Variants in ARHGEF38 observed in about 807,000 individuals in gnomAD.
ARHGEF38 encodes the protein Rho guanine nucleotide exchange factor 38, also known as Rho guanine nucleotide exchange factor (GEF) 38.
A neutral mutation model predicts 79.9 loss-of-function variants in ARHGEF38; 79 were observed. That is an observed-to-expected ratio of 0.99 (90% CI 0.82 to 1.19). The LOEUF (loss-of-function observed/expected upper bound fraction) is 1.19, where lower values mean the gene tolerates loss of function less well. Ranked by LOEUF, ARHGEF38 falls within the 50% of genes most tolerant of loss-of-function variation. ARHGEF38 has a pLI of 0.00. For missense variants in ARHGEF38, 962 were observed against 907.2 expected, an observed-to-expected ratio of 1.06 and a Z score of -0.78; for synonymous variants, 366 against 328.3, an observed-to-expected ratio of 1.11 and a Z score of -1.24.
chr4:105,587,014 C>A (rs1356446103), intron 1 of ARHGEF38, among the ~76,000 whole-genome samples: 3 of 152,022 alleles, frequency 2.0e-5, no homozygotes, highest in Non-Finnish European at 4.4e-5. Flanking sequence ...AGCCTCCTCA[C>A]TGCAGCTCCT....
rs924857329 is a variant in ARHGEF38, at chr4:105,648,641, G to A, written c.967G>A (p.Val323Met). The change falls in exon 7 of 14, where the codon GTG becomes ATG. Residue 323 changes from valine to methionine, a missense_variant. Transcript: ENST00000420470. ...TTCAATTAGCAAGAAATCAAAAAGA[G>A]TGACAAATCATCTGAAGATTCTGAC... ...IHSISKKSKR[V>M]TNHLKILTRG... 1.4e-5 allele frequency: 22 copies of A among 1,532,996 alleles called. No homozygotes were observed. The East Asian group carries it at 2.2e-4, about 15-fold the overall frequency. 95.0% of individuals were successfully genotyped at this position (1,532,996 alleles called of 1,614,324 possible).
intron 3 of ARHGEF38, among the ~76,000 whole-genome samples, chr4:105,618,430 T>G (rs1728596856): frequency 6.6e-6 from 1 of 152,130 alleles, no homozygotes; most frequent in Non-Finnish European, 1.5e-5. Flanking sequence ...GAGACCAGCC[T>G]GACCAACATG....
At chr4:105,658,046 T>C (rs1265343459) in intron 9 of ARHGEF38, among the ~76,000 whole-genome samples, 1 of 152,216 alleles carries the variant, frequency 6.6e-6, no homozygotes, top group East Asian at 1.9e-4. Flanking sequence ...GATCAGGTTA[T>C]GTCATGAAGT....
chr4:105,641,512 G>A (rs1053458098), intron 5 of ARHGEF38, among the ~76,000 whole-genome samples: 1 of 151,924 alleles, frequency 6.6e-6, no homozygotes, highest in Non-Finnish European at 1.5e-5. Flanking sequence ...CTTTAAAATT[G>A]ACTTAGGTAT....
At chr4:105,608,398 GTAATT>G (rs1408115411) in intron 2 of ARHGEF38, among the ~76,000 whole-genome samples, 3 of 151,672 alleles carry the variant, frequency 2.0e-5, no homozygotes, top group South Asian at 2.1e-4. Context: ...GCCCATTTTT[GTAATT>G]TAATTTATTT....
intron 5 of ARHGEF38, among the ~76,000 whole-genome samples, chr4:105,639,292 T>C (rs112548030): frequency 1.6e-4 from 24 of 152,174 alleles, no homozygotes; most frequent in African/African-American, 5.8e-4. Flanking sequence ...CTTTGTCTTA[T>C]GTATTATATA....
intron 6 of ARHGEF38, among the ~76,000 whole-genome samples, chr4:105,648,303 A>G (rs930752429): frequency 1.3e-5 from 2 of 152,004 alleles, no homozygotes; most frequent in Non-Finnish European, 2.9e-5. Flanking sequence ...TTTCTTTAAT[A>G]TTGTAGATAA....
Position 105,659,348 on chromosome 4 carries a change from T to G in ARHGEF38, c.1528T>G (p.Tyr510Asp). ...RDLMLVAQQA[Y>D]STLVPMPLLV... ...CCTGATGCTCGTGGCACAGCAGGCT[T>G]ACTCCACACTTGTGCCGGTAAGCAC... The change falls in exon 10 of 14, where the codon TAC becomes GAC. Residue 510 changes from tyrosine to aspartate, a missense_variant. Coordinates refer to ENST00000420470, the MANE Select transcript of ARHGEF38 (RefSeq NM_001242729.2). 2.6e-6 allele frequency: 4 copies of G among 1,534,828 alleles called. No individual in the cohort carries two copies. Among genetic ancestry groups the G allele is most frequent in the Non-Finnish European group, 3.5e-6 (4 of 1,146,590 alleles).
intron 2 of ARHGEF38, among the ~76,000 whole-genome samples, chr4:105,593,460 C>T (rs886448533): frequency 6.6e-6 from 1 of 152,076 alleles, no homozygotes; most frequent in East Asian, 1.9e-4. Flanking sequence ...ATCACTTGAG[C>T]CCAGGAGGTT....
intron 3 of ARHGEF38, among the ~76,000 whole-genome samples, chr4:105,621,103 G>C (rs1728719108): frequency 6.6e-6 from 1 of 152,192 alleles, no homozygotes; most frequent in Non-Finnish European, 1.5e-5. Context: ...CAAGGCACTA[G>C]ATTTGTGAAA....
intron 1 of ARHGEF38, among the ~76,000 whole-genome samples, chr4:105,564,068 A>G (rs1385713177): frequency 6.6e-6 from 1 of 152,162 alleles, no homozygotes. Flanking sequence ...GTCAAACTAC[A>G]TGGCTCCTTT....
Position 105,667,303 on chromosome 4 carries a change from A to G in ARHGEF38, c.1864A>G (p.Ser622Gly). 1 of 1,536,136 alleles carries G rather than the reference A, an allele frequency of 6.5e-7. No homozygotes were observed. Among genetic ancestry groups the G allele is most frequent in the Non-Finnish European group, 8.7e-7 (1 of 1,146,906 alleles). Reference sequence around the variant, plus strand: ...ACAGAAAGATCCACTGGGGAGTACAAGCAGGTGGCTTGTGGACACAGGAAG... The same window carrying G: ...ACAGAAAGATCCACTGGGGAGTACAGGCAGGTGGCTTGTGGACACAGGAAG... ...IEQKDPLGST[S>G]RWLVDTGNVK... The change falls in exon 12 of 14, where the codon AGC becomes GGC. Residue 622 changes from serine (S) to glycine (G), a missense_variant. Coordinates refer to ENST00000420470, the MANE Select transcript of ARHGEF38 (RefSeq NM_001242729.2).
intron 7 of ARHGEF38, 69 bp from the exon 8 acceptor site, chr4:105,653,996 A>G: frequency 1.2e-6 from 1 of 836,926 alleles, no homozygotes; most frequent in Non-Finnish European, 1.8e-6. Flanking sequence ...CTGGACCAAT[A>G]TGGTCTGTGC....
intron 4 of ARHGEF38, among the ~76,000 whole-genome samples, chr4:105,633,860 C>G (rs1157288657): frequency 2.6e-5 from 4 of 152,084 alleles, no homozygotes; most frequent in Non-Finnish European, 5.9e-5. Context: ...TTAAATAACA[C>G]CAGAAGCTTT....
chr4:105,664,245 T>C (rs555609620), intron 10 of ARHGEF38, among the ~76,000 whole-genome samples: 4 of 152,334 alleles, frequency 2.6e-5, no homozygotes, highest in African/African-American at 7.2e-5. Flanking sequence ...ATTAGAGTTA[T>C]ACATACACAT....
At chr4:105,573,725 A>G (rs1726346709) in intron 1 of ARHGEF38, among the ~76,000 whole-genome samples, 1 of 149,410 alleles carries the variant, frequency 6.7e-6, no homozygotes, top group African/African-American at 2.5e-5. Flanking sequence ...ATGCCATGTA[A>G]GTTTTAGGAT....
intron 1 of ARHGEF38, among the ~76,000 whole-genome samples, chr4:105,581,389 C>G (rs1474869992): frequency 2.0e-5 from 3 of 152,142 alleles, no homozygotes; most frequent in East Asian, 1.9e-4. Context: ...CTTACATTCT[C>G]TATTATACCC....
intron 6 of ARHGEF38, among the ~76,000 whole-genome samples, chr4:105,647,765 A>C (rs1729911637): frequency 6.6e-6 from 1 of 152,224 alleles, no homozygotes; most frequent in Non-Finnish European, 1.5e-5. Flanking sequence ...ATGATTGCAA[A>C]GATAAATAAG....
Position 105,666,249 on chromosome 4 carries a change from G to A in ARHGEF38, c.1618G>A (p.Val540Met). The A allele has an allele frequency of 6.5e-7, 1 of 1,535,504 alleles. No individual in the cohort carries two copies. Among genetic ancestry groups the A allele is most frequent in the Non-Finnish European group, 8.7e-7 (1 of 1,146,586 alleles). The change falls in exon 11 of 14, where the codon GTG becomes ATG. Residue 540 changes from valine to methionine, a missense_variant. Val to Met is a conservative substitution (Grantham distance 21). Transcript: ENST00000420470. ...VLEEIQNLNCVKENSATFIER... is the reference protein window; with the variant it reads ...VLEEIQNLNCMKENSATFIER... ...AGAAGAGATCCAAAATTTGAATTGT[G>A]TGAAAGAAAACAGTGCCACCTTTAT...
Sources: allele counts gnomAD v4.1 joint callset (sites outside exome capture counted in the v4.1 genomes callset), GRCh38; gene constraint gnomAD v4.1.1; transcripts MANE v1.5; gene names NCBI Gene and HGNC (gene_info 2026-07-23, HGNC 2026-07-21).